Variants in ZFHX3 observed in about 807,000 individuals in gnomAD.
ZFHX3 encodes the protein zinc finger homeobox protein 3.
Under a neutral mutation model 279.1 loss-of-function variants are expected in ZFHX3, and 42 were observed. That is an observed-to-expected ratio of 0.15 (90% CI 0.12 to 0.19). The LOEUF is 0.19. Among genes scored for constraint, ZFHX3 ranks in the 10% least tolerant of loss-of-function variants. The probability of loss-of-function intolerance (pLI) is 1.00; values close to 1 mark genes in which losing one functional copy is unlikely to be tolerated. For synonymous variants in ZFHX3, 2,293 were observed against 1,957.8 expected, an observed-to-expected ratio of 1.17 and a Z score of -4.52; for missense variants, 4,981 against 4,754.0, an observed-to-expected ratio of 1.05 and a Z score of -1.40.
intron 2 of ZFHX3, among the ~76,000 whole-genome samples, chr16:73,482,047 T>G (rs1201297727): frequency 6.6e-6 from 1 of 152,106 alleles, no homozygotes; most frequent in Non-Finnish European, 1.5e-5. Flanking sequence ...TCTCTGAATA[T>G]CCTTTGTAAA....
At chr16:73,070,932 GCGCGCGCACACACA>G (rs1158106572) in intron 8 of ZFHX3, among the ~76,000 whole-genome samples, 2 of 29,900 alleles carry the variant, frequency 6.7e-5, no homozygotes, top group African/African-American at 1.6e-4. Flanking sequence ...GCGCGCGCGC[GCGCGCGCACACACA>G]CACACACACA....
chr16:72,991,546 G>A (rs1426678212), intron 1 of ZFHX3, among the ~76,000 whole-genome samples: 10 of 152,240 alleles, frequency 6.6e-5, no homozygotes, highest in Admixed American at 6.5e-4. Context: ...AAGGATTAAT[G>A]AGACAGTGAA....
At chr16:72,986,287 C>T (rs941935074) in intron 1 of ZFHX3, among the ~76,000 whole-genome samples, 4 of 152,160 alleles carry the variant, frequency 2.6e-5, no homozygotes, top group African/African-American at 9.7e-5. Flanking sequence ...CCTTAGGACC[C>T]GCCATGTGAT....
At chr16:73,167,790 C>T (rs1390001518) in intron 5 of ZFHX3, among the ~76,000 whole-genome samples, 2 of 152,194 alleles carry the variant, frequency 1.3e-5, no homozygotes, top group Non-Finnish European at 2.9e-5. Context: ...GAGGTCCCCA[C>T]CAGGGGCAAC....
intron 2 of ZFHX3, among the ~76,000 whole-genome samples, chr16:73,614,400 ATTTC>A (rs955996349): frequency 6.6e-6 from 1 of 152,160 alleles, no homozygotes; most frequent in African/African-American, 2.4e-5. Context: ...TGAACACATC[ATTTC>A]TTTCTCTTGT....
intron 9 of ZFHX3, chr16:72,791,720 A>ATAGTT (rs1230233429): frequency 6.6e-6 from 1 of 152,124 alleles, no homozygotes; most frequent in Non-Finnish European, 1.5e-5. Context: ...TCTATTTTCC[A>ATAGTT]TAGTTTGTTT....
chr16:73,157,464 G>GAAAAAAAAAAA (rs554099254), intron 5 of ZFHX3, among the ~76,000 whole-genome samples: 4 of 22,032 alleles, frequency 1.8e-4, no homozygotes, highest in African/African-American at 1.5e-3. Context: ...GGAATGTTTG[G>GAAAAAAAAAAA]TAAAAAAAAA....
intron 1 of ZFHX3, among the ~76,000 whole-genome samples, chr16:73,839,326 C>CAAAAAAGAAAAAAAA (rs1961233006): frequency 1.0e-4 from 3 of 30,040 alleles, no homozygotes; most frequent in African/African-American, 3.7e-4. Context: ...GACTCCATCT[C>CAAAAAAGAAAAAAAA]AAAAAAAAAA....
chr16:72,820,543 G>A (rs1234451868), intron 5 of ZFHX3, among the ~76,000 whole-genome samples: 2 of 152,174 alleles, frequency 1.3e-5, no homozygotes, highest in Admixed American at 6.5e-5. Context: ...CCAGGATTTG[G>A]AGGCCTGCTA....
At chr16:73,271,796 G>A (rs755608176) in intron 4 of ZFHX3, among the ~76,000 whole-genome samples, 18 of 152,140 alleles carry the variant, frequency 1.2e-4, no homozygotes, top group Non-Finnish European at 2.5e-4. Context: ...CCACCGAACT[G>A]CCTTCCTTCT....
chr16:73,605,975 G>C (rs2052175290), intron 2 of ZFHX3, among the ~76,000 whole-genome samples: 1 of 151,654 alleles, frequency 6.6e-6, no homozygotes, highest in African/African-American at 2.4e-5. Context: ...ACGAGGTCAG[G>C]AGATGAGACC....
chr16:73,513,438 T>C (rs1262935551), intron 2 of ZFHX3, among the ~76,000 whole-genome samples: 1 of 152,210 alleles, frequency 6.6e-6, no homozygotes, highest in African/African-American at 2.4e-5. Context: ...GCACACTAAT[T>C]GTCCCAAGGT....
intron 5 of ZFHX3, among the ~76,000 whole-genome samples, chr16:73,234,675 G>C (rs56723263): frequency 0.12 from 17,717 of 152,158 alleles, 1,494 homozygotes; most frequent in East Asian, 0.44. Context: ...GCCATGACCG[G>C]TGTGTCTGTG....
At chr16:73,590,525 G>T (rs1045797599) in intron 2 of ZFHX3, among the ~76,000 whole-genome samples, 2 of 152,170 alleles carry the variant, frequency 1.3e-5, no homozygotes, top group African/African-American at 4.8e-5. Flanking sequence ...TGAGCACACT[G>T]AAACACATCA....
intron 2 of ZFHX3, among the ~76,000 whole-genome samples, chr16:73,673,211 G>A (rs1214183033): frequency 6.6e-6 from 1 of 152,092 alleles, no homozygotes; most frequent in African/African-American, 2.4e-5. Context: ...TGGGGAGGAG[G>A]ATATCAAGAT....
At chr16:73,390,681 C>T (rs911360415) in intron 3 of ZFHX3, among the ~76,000 whole-genome samples, 18 of 152,024 alleles carry the variant, frequency 1.2e-4, no homozygotes, top group Admixed American at 7.9e-4. Flanking sequence ...AGGAAATTTC[C>T]ATGAGACCGT....
chr16:73,405,852 ATGTTCATT>A (rs2017348687), intron 3 of ZFHX3, among the ~76,000 whole-genome samples: 1 of 152,200 alleles, frequency 6.6e-6, no homozygotes, highest in Non-Finnish European at 1.5e-5. Context: ...AGTAAGATTT[ATGTTCATT>A]TGGAATCTTC....
At chr16:72,948,721 C>G (rs1597000601) in intron 3 of ZFHX3, among the ~76,000 whole-genome samples, 1 of 152,202 alleles carries the variant, frequency 6.6e-6, no homozygotes, top group Non-Finnish European at 1.5e-5. Context: ...TCTAAACGAC[C>G]TTCATCAAAG....
At chr16:73,543,295 G>A (rs1295455501) in intron 2 of ZFHX3, among the ~76,000 whole-genome samples, 1 of 152,124 alleles carries the variant, frequency 6.6e-6, no homozygotes, top group African/African-American at 2.4e-5. Context: ...ATTTTTAATA[G>A]TGCATAACAA....
Sources: allele counts gnomAD v4.1 joint callset (sites outside exome capture counted in the v4.1 genomes callset), GRCh38; gene constraint gnomAD v4.1.1; transcripts MANE v1.5; gene names NCBI Gene and HGNC (gene_info 2026-07-23, HGNC 2026-07-21).